The following PDE10A variants were observed in gnomAD, a reference collection of about 807,000 sequenced individuals.
The protein encoded by PDE10A is phosphodiesterase 10A, also known as cAMP and cAMP-inhibited cGMP 3',5'-cyclic phosphodiesterase 10A.
Under a neutral mutation model 97.7 loss-of-function variants are expected in PDE10A, and 39 were observed. That is an observed-to-expected ratio of 0.40 (90% CI 0.31 to 0.52). The LOEUF (loss-of-function observed/expected upper bound fraction) is 0.52. Among genes scored for constraint, PDE10A ranks in the 20% least tolerant of loss-of-function variants. The pLI is 0.56. For synonymous variants in PDE10A, 371 were observed against 376.8 expected (o/e 0.98, Z 0.18); for missense variants, 731 against 1,047.8 (o/e 0.70, Z 4.17).
intron 1 of PDE10A, among the ~76,000 whole-genome samples, chr6:165,645,745 T>C (rs538500020): frequency 4.0e-5 from 6 of 149,934 alleles, no homozygotes; most frequent in African/African-American, 1.5e-4. Flanking sequence ...TCCCAGCTAC[T>C]AGGGAGGCTG....
intron 1 of PDE10A, among the ~76,000 whole-genome samples, chr6:165,831,676 G>A (rs922659500): frequency 1.3e-5 from 2 of 151,608 alleles, no homozygotes; most frequent in East Asian, 2.0e-4. Context: ...CAGTAGAGAC[G>A]GGGTTTCACC....
chr6:165,710,054 G>A (rs750763950), intron 1 of PDE10A, among the ~76,000 whole-genome samples: 1 of 151,966 alleles, frequency 6.6e-6, no homozygotes, highest in South Asian at 2.1e-4. Context: ...ACTCAGACCT[G>A]CCTCAGTGCC....
chr6:165,773,008 T>TA (rs1778058414), intron 1 of PDE10A, among the ~76,000 whole-genome samples: 1 of 152,236 alleles, frequency 6.6e-6, no homozygotes, highest in Admixed American at 6.5e-5. Flanking sequence ...GAATTATTTT[T>TA]AAAAAATAGA....
chr6:165,658,181 A>G (rs1790060700), intron 1 of PDE10A, among the ~76,000 whole-genome samples: 1 of 152,202 alleles, frequency 6.6e-6, no homozygotes, highest in African/African-American at 2.4e-5. Context: ...TGCTCTTAAA[A>G]GAGATCATAT....
chr6:165,923,275 T>A (rs1055179443), intron 1 of PDE10A, among the ~76,000 whole-genome samples: 16 of 152,204 alleles, frequency 1.1e-4, no homozygotes, highest in African/African-American at 3.6e-4. Context: ...AGCATAATTA[T>A]CCCTGGGAAA....
At chr6:165,826,562 A>G (rs1366541225) in intron 1 of PDE10A, among the ~76,000 whole-genome samples, 1 of 143,100 alleles carries the variant, frequency 7.0e-6, no homozygotes, top group Non-Finnish European at 1.6e-5. Flanking sequence ...TCTCTCTCCC[A>G]CGCTCCCGCC....
chr6:165,977,794 T>A (rs1189208685), intron 1 of PDE10A, among the ~76,000 whole-genome samples: 1 of 152,216 alleles, frequency 6.6e-6, no homozygotes, highest in African/African-American at 2.4e-5. Flanking sequence ...TGTACAAAAA[T>A]GTTGCATAGC....
In PDE10A at chr6:165,766,508, A is replaced by G. The variant is rs140697022; in HGVS notation, c.-615+221021T>C. Among the ~76,000 whole-genome samples the G allele has an allele frequency of 3.2e-4, 49 of 152,380 alleles. No homozygotes were observed. In the East Asian group the frequency reaches 9.4e-3, roughly 29 times the overall value. On this transcript the variant is annotated intron_variant, in intron 1 of 19. Transcript: ENST00000366882. ...TAGACAATGAACTGGAAACCCTATC[A>G]GAGAATCTGAAGCCTTTTACAAATT...
intron 1 of PDE10A, among the ~76,000 whole-genome samples, chr6:165,842,128 T>C (rs949658666): frequency 3.3e-5 from 5 of 152,232 alleles, no homozygotes; most frequent in African/African-American, 2.4e-5. Context: ...GTATACTTGA[T>C]AGCTTAACCT....
At chr6:165,619,424 GTAGTATAGTGTAGTGTAGTA>G (rs1787962962) in intron 1 of PDE10A, among the ~76,000 whole-genome samples, 5 of 113,288 alleles carry the variant, frequency 4.4e-5, no homozygotes, top group East Asian at 2.4e-4. Flanking sequence ...GTAGTGTAGT[GTAGTATAGTGTAGTGTAGTA>G]TAGTCTAGTG....
intron 1 of PDE10A, among the ~76,000 whole-genome samples, chr6:165,693,488 A>G (rs567233873): frequency 1.1e-4 from 14 of 132,014 alleles, no homozygotes; most frequent in Non-Finnish European, 2.0e-4. Flanking sequence ...CTGAGATGGC[A>G]CCACTGCACT....
chr6:165,542,943 T>C (rs1328495752), intron 2 of PDE10A, among the ~76,000 whole-genome samples: 1 of 152,054 alleles, frequency 6.6e-6, no homozygotes, highest in Non-Finnish European at 1.5e-5. Context: ...TTACTGAAAG[T>C]TTACTGACAA....
intron 2 of PDE10A, among the ~76,000 whole-genome samples, chr6:165,500,756 C>A (rs79679469): frequency 0.015 from 2,233 of 151,636 alleles, 47 homozygotes; most frequent in African/African-American, 0.051. Context: ...TCCTGCTGGA[C>A]CCTGGGCAAT....
At chr6:165,966,827 A>G (rs752821706) in intron 1 of PDE10A, among the ~76,000 whole-genome samples, 1 of 152,230 alleles carries the variant, frequency 6.6e-6, no homozygotes, top group South Asian at 2.1e-4. Flanking sequence ...TTTTATGCCA[A>G]AAGAGATTTC....
chr6:165,933,886 G>T (rs770270370), intron 1 of PDE10A, among the ~76,000 whole-genome samples: 56 of 152,268 alleles, frequency 3.7e-4, no homozygotes, highest in African/African-American at 1.3e-3. Flanking sequence ...GCACCTTGGG[G>T]CCAACCACAG....
chr6:165,530,145 G>A (rs1782684183), intron 2 of PDE10A, among the ~76,000 whole-genome samples: 1 of 152,060 alleles, frequency 6.6e-6, no homozygotes, highest in Non-Finnish European at 1.5e-5. Flanking sequence ...CCTGGAACAT[G>A]GGACTCCAGG....
intron 16 of PDE10A, among the ~76,000 whole-genome samples, chr6:165,389,467 A>G (rs531039042): frequency 1.3e-5 from 2 of 152,314 alleles, no homozygotes; most frequent in South Asian, 4.1e-4. Flanking sequence ...GTGTGAAAAG[A>G]AAGGACATGA....
intron 1 of PDE10A, among the ~76,000 whole-genome samples, chr6:165,603,139 C>T (rs1028703435): frequency 2.6e-5 from 4 of 152,266 alleles, no homozygotes; most frequent in Admixed American, 2.6e-4. Flanking sequence ...TGGCAAGCCA[C>T]GGGCATCTTT....
chr6:165,467,935 C>T lies in PDE10A; in HGVS notation c.1023+14380G>A, dbSNP rs535649569. Among the ~76,000 whole-genome samples, 3 of 152,318 alleles carry T rather than the reference C, an allele frequency of 2.0e-5. No individual in the cohort carries two copies. The South Asian group carries it at 6.2e-4, about 32-fold the overall frequency. Reference sequence around the variant, plus strand: ...GCCTTATTTTTAAAAATTGCCACAGCCACCCCAACCTTCAGCAACCACAAT... The same window carrying T: ...GCCTTATTTTTAAAAATTGCCACAGTCACCCCAACCTTCAGCAACCACAAT... On this transcript the variant is annotated intron_variant, in intron 3 of 21. Coordinates refer to ENST00000539869, the MANE Select transcript of PDE10A (RefSeq NM_001385079.1).
Sources: gnomAD v4.1 joint callset for allele counts (sites outside exome capture counted in the v4.1 genomes callset) on GRCh38, gnomAD v4.1.1 for gene constraint, MANE v1.5 for transcripts, NCBI Gene and HGNC (gene_info 2026-07-23, HGNC 2026-07-21) for gene names.